NOL10: variants seen among roughly 807,000 people sequenced by gnomAD.
The protein encoded by NOL10 is nucleolar protein 10.
In NOL10, 58 loss-of-function variants were observed where a neutral mutation model predicts 103.5. The ratio of observed to expected loss-of-function variants is 0.56; its 90% CI spans 0.45 to 0.70. NOL10 has a LOEUF of 0.70. Among genes scored for constraint, NOL10 ranks in the 30% least tolerant of loss-of-function variants. NOL10 has a pLI of 0.00. For missense variants in NOL10, 763 were observed against 807.3 expected, an observed-to-expected ratio of 0.95 and a Z score of 0.67; for synonymous variants, 287 against 282.5, an observed-to-expected ratio of 1.02 and a Z score of -0.16.
chr2:10,612,508 AT>A (rs1281424755), intron 13 of NOL10, among the ~76,000 whole-genome samples: 2 of 151,742 alleles, frequency 1.3e-5, no homozygotes, highest in Non-Finnish European at 2.9e-5. Flanking sequence ...TAGAAATATT[AT>A]TTTTTTTCTT....
At chr2:10,664,787 G>A (rs939753310) in intron 8 of NOL10, among the ~76,000 whole-genome samples, 1 of 152,126 alleles carries the variant, frequency 6.6e-6, no homozygotes, top group South Asian at 2.1e-4. Flanking sequence ...CCACCCACTC[G>A]CACTTCCAAA....
intron 16 of NOL10, among the ~76,000 whole-genome samples, chr2:10,601,919 C>T (rs538632728): frequency 1.3e-5 from 2 of 152,204 alleles, no homozygotes; most frequent in Non-Finnish European, 2.9e-5. Context: ...GTACGTATAC[C>T]AACGTTCAGT....
chr2:10,616,560 T>C (rs1346335108), intron 13 of NOL10, among the ~76,000 whole-genome samples: 2 of 149,192 alleles, frequency 1.3e-5, no homozygotes, highest in African/African-American at 2.5e-5. Flanking sequence ...TTTTTTTTTG[T>C]TTTTTTGAAA....
chr2:10,653,701 C>G (rs59012787), intron 12 of NOL10, among the ~76,000 whole-genome samples: 5,252 of 152,202 alleles, frequency 0.035, 180 homozygotes, highest in African/African-American at 0.084. Context: ...TCATCTTGGA[C>G]TGCTCTCCCA....
intron 3 of NOL10, among the ~76,000 whole-genome samples, chr2:10,677,032 G>A (rs140291306): frequency 0.035 from 5,205 of 150,622 alleles, 175 homozygotes; most frequent in African/African-American, 0.084. Context: ...TCTGCTGCCT[G>A]GATTCAAGTG....
intron 18 of NOL10, 86 bp downstream of exon 18, chr2:10,589,492 G>A: frequency 8.1e-7 from 1 of 1,240,126 alleles, no homozygotes; most frequent in Non-Finnish European, 1.1e-6. Flanking sequence ...TACATCTCAA[G>A]TATAATCAAA....
intron 19 of NOL10, among the ~76,000 whole-genome samples, chr2:10,587,729 C>T (rs573849944): frequency 6.6e-6 from 1 of 152,234 alleles, no homozygotes; most frequent in South Asian, 2.1e-4. Context: ...CAAGGATTCA[C>T]TACATCTGGT....
At chr2:10,603,974 G>A (rs984303442) in intron 14 of NOL10, among the ~76,000 whole-genome samples, 11 of 152,194 alleles carry the variant, frequency 7.2e-5, no homozygotes, top group South Asian at 6.2e-4. Context: ...GACTGGTTTT[G>A]TAGAAGACAA....
chr2:10,589,425 T>A, intron 18 of NOL10, 135 bp from the exon 19 acceptor site: 2 of 1,308,192 alleles, frequency 1.5e-6, no homozygotes, highest in East Asian at 2.4e-5. Flanking sequence ...GAAATGCCTT[T>A]AAATAAATAA....
chr2:10,592,096 G>C (rs1217548279), intron 17 of NOL10, among the ~76,000 whole-genome samples: 4 of 152,160 alleles, frequency 2.6e-5, no homozygotes, highest in Non-Finnish European at 4.4e-5. Flanking sequence ...TAAGAAGTTA[G>C]CATCATGAGA....
At chr2:10,678,391 A>C (rs563083741) in intron 3 of NOL10, among the ~76,000 whole-genome samples, 1 of 150,634 alleles carries the variant, frequency 6.6e-6, no homozygotes, top group Non-Finnish European at 1.5e-5. Flanking sequence ...GCTTACAAGT[A>C]TTACTTTGGC....
At chr2:10,643,985 C>G (rs557947422) in intron 13 of NOL10, among the ~76,000 whole-genome samples, 1 of 152,164 alleles carries the variant, frequency 6.6e-6, no homozygotes, top group Non-Finnish European at 1.5e-5. Context: ...AGTGGTGGCT[C>G]ACACCTGTAA....
chr2:10,686,499 G>C (rs1007854664), intron 1 of NOL10, among the ~76,000 whole-genome samples: 7 of 152,314 alleles, frequency 4.6e-5, no homozygotes, highest in Non-Finnish European at 7.3e-5. Context: ...ACCCCCAAGA[G>C]AGCAGGAGCC....
chr2:10,637,610 C>T (rs1678352795), intron 13 of NOL10, among the ~76,000 whole-genome samples: 1 of 152,216 alleles, frequency 6.6e-6, no homozygotes, highest in African/African-American at 2.4e-5. Context: ...CACTAAACAA[C>T]CTTTTATTAC....
chr2:10,658,601 A>T (rs1438118499), intron 10 of NOL10, among the ~76,000 whole-genome samples: 1 of 152,184 alleles, frequency 6.6e-6, no homozygotes, highest in African/African-American at 2.4e-5. Flanking sequence ...TGAACACACA[A>T]ATTTTGGAAA....
chr2:10,607,750 T>TTTTTTATTATTATTATTA lies in NOL10; in HGVS notation c.1027-440_1027-439insTAATAATAATAATAAAAA, dbSNP rs70953321. On this transcript the variant is annotated intron_variant, in intron 13 of 20. Transcript: ENST00000381685. ...AAAATTACCTTTTTAAAAAACAATA[T>TTTTTTATTATTATTATTA]TTATTATTATTATTATTATTATTAT... 4.7e-3 allele frequency among the ~76,000 whole-genome samples: 683 copies of TTTTTTATTATTATTATTA among 144,736 alleles called. 7 individuals are homozygous for TTTTTTATTATTATTATTA. The highest frequency in any genetic ancestry group is 5.5e-3 in the Non-Finnish European group (365 of 66,498). The allele number at this position is 144,736 out of a possible 152,430, so 95.0% of individuals were successfully genotyped here.
intron 10 of NOL10, among the ~76,000 whole-genome samples, chr2:10,658,269 C>T (rs980806843): frequency 3.3e-5 from 5 of 152,178 alleles, no homozygotes; most frequent in African/African-American, 1.2e-4. Flanking sequence ...CCTAGTAGAT[C>T]AAGACAGATG....
Position 10,596,268 on chromosome 2 carries a change from G to GGGGGGGGGGGGGGGGGGGGGGA in NOL10, c.1422+4584_1422+4585insTCCCCCCCCCCCCCCCCCCCCC, listed in dbSNP as rs1553298216. Among the ~76,000 whole-genome samples the GGGGGGGGGGGGGGGGGGGGGGA allele has an allele frequency of 2.5e-5, 2 of 81,386 alleles. 1 individual carries two copies. The allele number at this position is 81,386 out of a possible 152,430, so 53.4% of individuals were successfully genotyped here. The stretch of plus-strand genomic sequence containing the variant: ...CCACAGATGGTGGTGGGGGGCGGGG[G>GGGGGGGGGGGGGGGGGGGGGGA]GCGGGCGCGAGGGAGTTTTGGGATG... On this transcript the variant is annotated intron_variant, in intron 17 of 20. Transcript: ENST00000381685.
chr2:10,688,540 A>G (rs1682377758), intron 1 of NOL10, among the ~76,000 whole-genome samples: 1 of 152,174 alleles, frequency 6.6e-6, no homozygotes, highest in African/African-American at 2.4e-5. Flanking sequence ...TTCTGCTCAT[A>G]TGTCACCTCT....
Sources: allele counts gnomAD v4.1 joint callset (sites outside exome capture counted in the v4.1 genomes callset), GRCh38; gene constraint gnomAD v4.1.1; transcripts MANE v1.5; gene names NCBI Gene and HGNC (gene_info 2026-07-23, HGNC 2026-07-21).